The following SEC14L5 variants were observed in gnomAD, a reference collection of about 807,000 sequenced individuals.
SEC14L5 encodes SEC14-like protein 5.
A neutral mutation model predicts 84.6 loss-of-function variants in SEC14L5; 96 were observed. The observed-to-expected ratio is 1.13, with a 90% CI of 0.96 to 1.34. The LOEUF is 1.34. Among genes scored for constraint, SEC14L5 ranks in the 40% most tolerant of loss-of-function variants. The pLI, the probability that SEC14L5 is intolerant of heterozygous loss-of-function variation, is 0.00. For missense variants in SEC14L5, 1,224 were observed against 942.5 expected, an observed-to-expected ratio of 1.30 and a Z score of -3.91; for synonymous variants, 546 against 383.4, an observed-to-expected ratio of 1.42 and a Z score of -4.95.
chr16:4,990,128 A>G (rs1955537099), intron 4 of SEC14L5, among the ~76,000 whole-genome samples: 1 of 151,458 alleles, frequency 6.6e-6, no homozygotes, highest in Admixed American at 6.6e-5. Flanking sequence ...TTATTTATAG[A>G]TTATATAAAT....
At chr16:4,971,812 T>C (rs1024498834) in intron 2 of SEC14L5, among the ~76,000 whole-genome samples, 1 of 152,308 alleles carries the variant, frequency 6.6e-6, no homozygotes, top group South Asian at 2.1e-4. Context: ...CATTCACTCA[T>C]TCCTTCCTCC....
At chr16:4,996,204 C>G in intron 6 of SEC14L5, 144 bp from the exon 7 acceptor site, 2 of 580,930 alleles carry the variant, frequency 3.4e-6, no homozygotes, top group Non-Finnish European at 6.3e-6. Flanking sequence ...AGTCCGGTGG[C>G]TGCTGTCTGG....
intron 15 of SEC14L5, among the ~76,000 whole-genome samples, chr16:5,012,592 C>T (rs1297904236): frequency 6.6e-6 from 1 of 152,194 alleles, no homozygotes; most frequent in East Asian, 1.9e-4. Context: ...TGTGTTAGTC[C>T]GTTTCCACAC....
At position 5,018,780 on chromosome 16, in the gene SEC14L5, G is replaced by A. The variant is rs1238670576; in HGVS notation, c.*3810G>A. On this transcript the variant is annotated 3_prime_UTR_variant, in exon 16 of 16. Transcript: ENST00000251170. ...TGTTTTTTCCCAGAGGTTGAAGTAT[G>A]GAGAGTTTGAGACTCTTTTTTTCTA... is the stretch of plus-strand genomic sequence containing the variant. The A allele has an allele frequency of 1.3e-5, 2 of 152,054 alleles. No individual in the cohort carries two copies. The highest frequency in any genetic ancestry group is 1.5e-5 in the Non-Finnish European group (1 of 68,050). The allele number at this position is 152,054 out of a possible 1,614,324, so 9.4% of individuals were successfully genotyped here.
intron 6 of SEC14L5, among the ~76,000 whole-genome samples, chr16:4,992,515 G>A (rs1409053657): frequency 6.6e-6 from 1 of 152,196 alleles, no homozygotes; most frequent in Non-Finnish European, 1.5e-5. Context: ...GCCTCCCAAA[G>A]TGCTGGGATT....
At chr16:5,006,954 C>A (rs1220698345) in intron 12 of SEC14L5, among the ~76,000 whole-genome samples, 4 of 152,042 alleles carry the variant, frequency 2.6e-5, no homozygotes, top group Admixed American at 6.6e-5. Context: ...GACTGTTCCA[C>A]CCCCGCCTGT....
rs529108067 is a variant in SEC14L5 at position 4,998,717 on chromosome 16, G to A, written c.970+1673G>A. ...CCCGCCACTGCACTCCAGCCTGGGC[G>A]ACAGAGCGAGACTCCGTCTCAAAAA... On this transcript the variant is annotated intron_variant, in intron 8 of 15. Coordinates refer to ENST00000251170, the MANE Select transcript of SEC14L5 (RefSeq NM_014692.2). Among the ~76,000 whole-genome samples, 44 of 131,522 alleles carry A rather than the reference G, an allele frequency of 3.3e-4. 1 individual carries two copies. The highest frequency in any genetic ancestry group is 2.4e-3 in the Admixed American group (29 of 12,058). The allele number at this position is 131,522 out of a possible 152,430, so 86.3% of individuals were successfully genotyped here. A position where few individuals can be genotyped will look rare whatever the true frequency, so the allele number is the denominator to read the frequency against.
chr16:4,972,460 C>G (rs1212056287), intron 2 of SEC14L5, among the ~76,000 whole-genome samples: 1 of 152,220 alleles, frequency 6.6e-6, no homozygotes, highest in Non-Finnish European at 1.5e-5. Flanking sequence ...CCAAACCGGA[C>G]TCTGTACCCA....
chr16:4,980,699 T>A (rs1160493089), intron 2 of SEC14L5, among the ~76,000 whole-genome samples: 2 of 152,086 alleles, frequency 1.3e-5, no homozygotes, highest in Non-Finnish European at 2.9e-5. Context: ...CGATAAACGC[T>A]TTCAAAGAAA....
rs1399963988 is a variant in SEC14L5 at position 4,996,396 on chromosome 16, C to T, written c.716C>T (p.Thr239Met). The change falls in exon 7 of 16, where the codon ACG (threonine) becomes ATG (methionine). Residue 239 changes from threonine to methionine, a missense_variant. Coordinates refer to ENST00000251170, the MANE Select transcript of SEC14L5 (RefSeq NM_014692.2). ...ATTGAGAGGTGCCTGGGCCACCTCA[C>T]GCCCATGCAGGAGAGCTGCCTGATC... ...DYIERCLGHL[T>M]PMQESCLIQL... 36 of 1,571,718 alleles carry T rather than the reference C, an allele frequency of 2.3e-5. No individual in the cohort carries two copies. Among genetic ancestry groups the T allele is most frequent in the East Asian group, 1.2e-4 (5 of 42,208 alleles).
At position 5,018,410 on chromosome 16, in the gene SEC14L5, T is replaced by A. The variant is rs2270259; in HGVS notation, c.*3440T>A. On this transcript the variant is annotated 3_prime_UTR_variant, in exon 16 of 16. Coordinates refer to ENST00000251170, the MANE Select transcript of SEC14L5 (RefSeq NM_014692.2). ...GGCGGGGCGTGGTGGCTCATGCCTA[T>A]AATCCCAACACTTTGGGAGGCTGAG... 1 of 152,198 alleles carries A rather than the reference T, an allele frequency of 6.6e-6. No homozygotes were observed. The highest frequency in any genetic ancestry group is 1.5e-5 in the Non-Finnish European group (1 of 68,054). 9.4% of individuals were successfully genotyped at this position (152,198 alleles called of 1,614,324 possible). A position where few individuals can be genotyped will look rare whatever the true frequency, so the allele number is the denominator to read the frequency against.
intron 10 of SEC14L5, among the ~76,000 whole-genome samples, chr16:5,001,976 C>T (rs1240438317): frequency 6.6e-6 from 1 of 152,134 alleles, no homozygotes; most frequent in African/African-American, 2.4e-5. Context: ...CACCCTGTTG[C>T]TCAGGCTGGT....
Position 4,996,443 on chromosome 16 carries a change from G to T in SEC14L5, c.763G>T (p.Glu255Ter). Reference protein sequence around the residue: ...CLIQLRHWLQETHKGKIPKDE... With the variant: ...CLIQLRHWLQ ...GATCCAGCTTCGGCACTGGTTACAG[G>T]AGACCCACAAAGGCAAGGTGGGTGC... The change falls in exon 7 of 16, where the codon GAG becomes TAG. Residue 255 changes from glutamate (E) to a stop codon, truncating the protein, a stop_gained. Transcript: ENST00000251170. LOFTEE classifies it high-confidence loss of function. The T allele has an allele frequency of 6.4e-7, 1 of 1,568,752 alleles. No homozygotes were observed. Among genetic ancestry groups the T allele is most frequent in the East Asian group, 2.4e-5 (1 of 42,040 alleles).
At position 5,014,942 on chromosome 16, in the gene SEC14L5, C is replaced by A. The variant is rs202181394; in HGVS notation, c.2063C>A (p.Ser688Tyr). The change falls in exon 16 of 16, where the codon TCT becomes TAT. Residue 688 changes from serine to tyrosine, a missense_variant. Physicochemically the swap from Ser to Tyr is moderately radical, Grantham distance 144. Coordinates refer to ENST00000251170, the MANE Select transcript of SEC14L5 (RefSeq NM_014692.2). ...AATSSSSSGQ[S>Y]HSSSLVSR is the part of the protein sequence containing the mutation. ...ACCTCGTCCTCCTCCTCCGGCCAGT[C>A]TCATAGCAGCTCCCTGGTCTCCAGA... The A allele has an allele frequency of 5.5e-5, 88 of 1,611,936 alleles. No individual in the cohort carries two copies. The highest frequency in any genetic ancestry group is 7.2e-5 in the Non-Finnish European group (85 of 1,179,846).
At chr16:4,987,761 G>C in intron 3 of SEC14L5, 55 bp downstream of exon 3, 1 of 1,347,300 alleles carries the variant, frequency 7.4e-7, no homozygotes, top group South Asian at 1.5e-5. Context: ...GGAGGTGCGG[G>C]AGGGCTGGGC....
chr16:5,005,283 C>G (rs569399146), intron 11 of SEC14L5, among the ~76,000 whole-genome samples: 1 of 151,924 alleles, frequency 6.6e-6, no homozygotes, highest in African/African-American at 2.4e-5. Flanking sequence ...CCATTGCACT[C>G]AAGCCTGGGA....
At chr16:4,976,049 T>C (rs1416846271) in intron 2 of SEC14L5, among the ~76,000 whole-genome samples, 1 of 152,192 alleles carries the variant, frequency 6.6e-6, no homozygotes, top group Admixed American at 6.5e-5. Context: ...TGTCAAGTGA[T>C]TAGCAGAAAT....
At chr16:5,003,281 G>T in intron 10 of SEC14L5, 121 bp from the exon 11 acceptor site, 1 of 716,576 alleles carries the variant, frequency 1.4e-6, no homozygotes, top group East Asian at 2.6e-5. Context: ...ACTGTGGCAG[G>T]AGCCCCCATC....
At chr16:5,002,034 G>T (rs980214892) in intron 10 of SEC14L5, among the ~76,000 whole-genome samples, 3 of 152,078 alleles carry the variant, frequency 2.0e-5, no homozygotes, top group African/African-American at 7.2e-5. Context: ...CCTTCCAAAG[G>T]GTTGGGATTA....
Sources: allele counts gnomAD v4.1 joint callset (sites outside exome capture counted in the v4.1 genomes callset), GRCh38; gene constraint gnomAD v4.1.1; transcripts MANE v1.5; gene names NCBI Gene and HGNC (gene_info 2026-07-23, HGNC 2026-07-21).